Variants in ADGRL2 observed in about 807,000 individuals in gnomAD.
The protein encoded by ADGRL2 is adhesion G protein-coupled receptor L2.
A neutral mutation model predicts 157.4 loss-of-function variants in ADGRL2; 44 were observed. The observed-to-expected ratio is 0.28, with a 90% CI of 0.22 to 0.36. The LOEUF (loss-of-function observed/expected upper bound fraction) is 0.36. Among genes scored for constraint, ADGRL2 ranks in the 10% least tolerant of loss-of-function variants. ADGRL2 has a pLI of 1.00. For synonymous variants in ADGRL2, 585 were observed against 624.7 expected (o/e 0.94, Z 0.95); for missense variants, 1,510 against 1,768.9 (o/e 0.85, Z 2.63).
At chr1:81,416,697 T>C (rs1448894640) in intron 1 of ADGRL2, among the ~76,000 whole-genome samples, 1 of 152,174 alleles carries the variant, frequency 6.6e-6, no homozygotes, top group Non-Finnish European at 1.5e-5. Context: ...ACCTACTAAA[T>C]GTAGAAATTC....
At position 81,625,236 on chromosome 1, in the gene ADGRL2, G is replaced by A. The variant is rs577519730; in HGVS notation, c.-143+44256G>A. ...AAAATACTAAGAACATAGAAATACC[G>A]CAAGAGACACATCACCTTCTCTCCC... On this transcript the variant is annotated intron_variant, in intron 3 of 24. Transcript: ENST00000370721. Among the ~76,000 whole-genome samples, 198 of 152,006 alleles carry A rather than the reference G, an allele frequency of 1.3e-3. 1 individual carries two copies. Among genetic ancestry groups the A allele is most frequent in the Non-Finnish European group, 2.0e-3 (133 of 67,964 alleles).
At chr1:81,590,104 C>T (rs1461164893) in intron 3 of ADGRL2, among the ~76,000 whole-genome samples, 1 of 152,080 alleles carries the variant, frequency 6.6e-6, no homozygotes, top group Non-Finnish European at 1.5e-5. Context: ...TACTCTTGGT[C>T]CTTTTGGGGA....
At chr1:81,973,207 A>G (rs1207719407) in intron 17 of ADGRL2, among the ~76,000 whole-genome samples, 1 of 152,182 alleles carries the variant, frequency 6.6e-6, no homozygotes, top group Non-Finnish European at 1.5e-5. Flanking sequence ...AAAATTTGAG[A>G]TGAATGCCTG....
intron 2 of ADGRL2, among the ~76,000 whole-genome samples, chr1:81,456,408 T>G (rs552686711): frequency 1.3e-5 from 2 of 152,080 alleles, no homozygotes; most frequent in East Asian, 3.9e-4. Context: ...TTATTATTAT[T>G]ATTATTTTTT....
intron 3 of ADGRL2, among the ~76,000 whole-genome samples, chr1:81,634,231 C>A (rs1266340330): frequency 6.6e-6 from 1 of 152,194 alleles, no homozygotes; most frequent in Non-Finnish European, 1.5e-5. Flanking sequence ...CCCAATTAAT[C>A]TCTTGCCCAG....
intron 2 of ADGRL2, among the ~76,000 whole-genome samples, chr1:81,555,708 C>T (rs1557456343): frequency 6.6e-6 from 1 of 152,180 alleles, no homozygotes; most frequent in Non-Finnish European, 1.5e-5. Flanking sequence ...GATCACTCTG[C>T]AGCCCCTCCT....
intron 3 of ADGRL2, among the ~76,000 whole-genome samples, chr1:81,597,101 T>C (rs931166005): frequency 6.6e-6 from 1 of 152,358 alleles, no homozygotes; most frequent in Non-Finnish European, 1.5e-5. Flanking sequence ...ATATTCTTCC[T>C]GAGAAAAGTA....
At chr1:81,337,220 G>A (rs12082210) in intron 1 of ADGRL2, among the ~76,000 whole-genome samples, 18,853 of 152,090 alleles carry the variant, frequency 0.12, 1,741 homozygotes, top group African/African-American at 0.26. Context: ...CCTAGATGCC[G>A]AACAAGAGCT....
intron 2 of ADGRL2, among the ~76,000 whole-genome samples, chr1:81,479,309 C>CT (rs1001384666): frequency 8.9e-4 from 131 of 146,838 alleles, no homozygotes; most frequent in African/African-American, 2.7e-3. Context: ...CCTGTCTCTA[C>CT]TAAAAATACA....
chr1:81,496,037 T>A (rs1162195128), intron 2 of ADGRL2, among the ~76,000 whole-genome samples: 2 of 152,098 alleles, frequency 1.3e-5, no homozygotes, highest in African/African-American at 4.8e-5. Flanking sequence ...CCTCATAAAT[T>A]AACCATGAGA....
At chr1:81,758,126 C>T (rs2085751717) in intron 1 of ADGRL2, among the ~76,000 whole-genome samples, 1 of 152,146 alleles carries the variant, frequency 6.6e-6, no homozygotes, top group African/African-American at 2.4e-5. Flanking sequence ...GATGAGCTTT[C>T]CCACATGAAG....
At chr1:81,672,327 T>C (rs2082892971) in intron 3 of ADGRL2, among the ~76,000 whole-genome samples, 1 of 152,216 alleles carries the variant, frequency 6.6e-6, no homozygotes, top group African/African-American at 2.4e-5. Flanking sequence ...CAACAAGCTC[T>C]TTCATGTTGC....
intron 1 of ADGRL2, among the ~76,000 whole-genome samples, chr1:81,403,543 G>A (rs1305358881): frequency 2.6e-5 from 4 of 152,054 alleles, no homozygotes; most frequent in African/African-American, 4.8e-5. Context: ...TGGGATTACA[G>A]CCATGAGTCA....
chr1:81,853,274 C>T (rs139236926), intron 2 of ADGRL2, among the ~76,000 whole-genome samples: 1,683 of 152,250 alleles, frequency 0.011, 20 homozygotes, highest in Non-Finnish European at 0.018. Flanking sequence ...TGCTAATTAT[C>T]CTTCACCTCT....
At chr1:81,747,141 ACATATATACGTATATATGTATG>A (rs2085310519) in intron 1 of ADGRL2, among the ~76,000 whole-genome samples, 1 of 139,100 alleles carries the variant, frequency 7.2e-6, no homozygotes, top group African/African-American at 3.0e-5. Flanking sequence ...ATATATGTAT[ACATATATACGTATATATGTATG>A]TGTGTATATA....
intron 1 of ADGRL2, among the ~76,000 whole-genome samples, chr1:81,315,580 C>G (rs934544101): frequency 1.2e-4 from 18 of 152,122 alleles, no homozygotes; most frequent in Non-Finnish European, 1.9e-4. Context: ...CATTTTTCCC[C>G]TGAGGTAGCT....
chr1:81,431,792 T>C (rs2077326419), intron 1 of ADGRL2, among the ~76,000 whole-genome samples: 1 of 152,240 alleles, frequency 6.6e-6, no homozygotes, highest in South Asian at 2.1e-4. Flanking sequence ...TAAGGCATAC[T>C]TCCCACAGAA....
At chr1:81,889,899 C>T (rs939089370) in intron 2 of ADGRL2, among the ~76,000 whole-genome samples, 2 of 152,082 alleles carry the variant, frequency 1.3e-5, no homozygotes, top group Non-Finnish European at 2.9e-5. Flanking sequence ...ATGTACCCAC[C>T]CTTCTCTTTG....
chr1:81,726,083 G>T lies in ADGRL2; in HGVS notation c.-143+26275G>T, dbSNP rs79209192. Among the ~76,000 whole-genome samples the T allele has an allele frequency of 7.6e-4, 116 of 152,300 alleles. 2 individuals carry two copies. The East Asian group carries it at 0.021, about 28-fold the overall frequency. On this transcript the variant is annotated intron_variant, in intron 1 of 20. Coordinates refer to the ADGRL2 transcript ENST00000359929. ...TCATGATCTCAGAAAGCATCTCAAT[G>T]ACCTGTTTTCTCTCTGTTTGTAGGT...
Sources: gnomAD v4.1 joint callset for allele counts (sites outside exome capture counted in the v4.1 genomes callset) on GRCh38, gnomAD v4.1.1 for gene constraint, MANE v1.5 for transcripts, NCBI Gene and HGNC (gene_info 2026-07-23, HGNC 2026-07-21) for gene names.